Variants in CLEC16A observed in about 807,000 individuals in gnomAD.
The protein encoded by CLEC16A is C-type lectin domain containing 16A.
Under a neutral mutation model 109.5 loss-of-function variants are expected in CLEC16A, and 51 were observed. The ratio of observed to expected loss-of-function variants is 0.47; its 90% CI spans 0.37 to 0.59. CLEC16A has a LOEUF of 0.59. CLEC16A is among the 20% of genes least tolerant of loss of function. The pLI is 0.00. For missense variants in CLEC16A, 1,339 were observed against 1,394.0 expected (o/e 0.96, Z 0.63); for synonymous variants, 673 against 564.2 (o/e 1.19, Z -2.73).
intron 18 of CLEC16A, among the ~76,000 whole-genome samples, chr16:11,054,303 C>T (rs563406142): frequency 6.6e-6 from 1 of 152,368 alleles, no homozygotes; most frequent in Non-Finnish European, 1.5e-5. Context: ...CTTGTCTACT[C>T]TGAGCTGCTG....
chr16:11,017,499 G>A (rs562077749), intron 11 of CLEC16A, among the ~76,000 whole-genome samples: 69 of 152,326 alleles, frequency 4.5e-4, no homozygotes, highest in African/African-American at 1.7e-3. Flanking sequence ...ACGCGAAGAC[G>A]TTTCAGAACC....
intron 22 of CLEC16A, among the ~76,000 whole-genome samples, chr16:11,132,714 T>G (rs1252703449): frequency 1.3e-5 from 2 of 152,166 alleles, no homozygotes; most frequent in Non-Finnish European, 2.9e-5. Context: ...TATCCTGCAC[T>G]AGAATGGAAG....
intron 3 of CLEC16A, among the ~76,000 whole-genome samples, chr16:10,963,428 G>A (rs1171682131): frequency 6.6e-6 from 1 of 152,228 alleles, no homozygotes; most frequent in African/African-American, 2.4e-5. Context: ...GTTCCCCTCT[G>A]CTGATGATGC....
intron 22 of CLEC16A, among the ~76,000 whole-genome samples, chr16:11,157,872 G>C (rs1049899141): frequency 6.6e-6 from 1 of 152,062 alleles, no homozygotes; most frequent in Non-Finnish European, 1.5e-5. Context: ...CCTAGCCCCC[G>C]CCTGCCCTCG....
intron 22 of CLEC16A, among the ~76,000 whole-genome samples, chr16:11,139,263 G>T (rs1245193421): frequency 6.6e-6 from 1 of 152,186 alleles, no homozygotes; most frequent in Non-Finnish European, 1.5e-5. Context: ...CTCCAAGCTT[G>T]GCATGATGGA....
intron 12 of CLEC16A, among the ~76,000 whole-genome samples, chr16:11,022,171 T>A (rs1004968897): frequency 1.3e-5 from 2 of 152,086 alleles, no homozygotes; most frequent in Admixed American, 1.3e-4. Context: ...GCCAGATTTC[T>A]GCTAGACTGT....
At chr16:11,002,732 G>A (rs1398973526) in intron 10 of CLEC16A, among the ~76,000 whole-genome samples, 1 of 152,072 alleles carries the variant, frequency 6.6e-6, no homozygotes, top group African/African-American at 2.4e-5. Flanking sequence ...TCCTGCTTAT[G>A]AGAATATGCA....
intron 22 of CLEC16A, among the ~76,000 whole-genome samples, chr16:11,163,970 G>C (rs983388037): frequency 6.6e-6 from 1 of 152,290 alleles, no homozygotes; most frequent in Non-Finnish European, 1.5e-5. Context: ...ATTAAGAAGT[G>C]AGCAGCTATA....
chr16:11,130,925 A>C (rs1452912265), intron 22 of CLEC16A, among the ~76,000 whole-genome samples: 1 of 152,198 alleles, frequency 6.6e-6, no homozygotes, highest in Non-Finnish European at 1.5e-5. Context: ...ATTTGATGAA[A>C]ATATGCCTTT....
intron 10 of CLEC16A, among the ~76,000 whole-genome samples, chr16:10,987,111 C>T (rs1295479857): frequency 1.3e-5 from 2 of 152,020 alleles, no homozygotes; most frequent in Non-Finnish European, 2.9e-5. Context: ...CCGTCTTAGC[C>T]TCCCAATGTG....
At chr16:10,967,768 T>G (rs1015602225) in intron 3 of CLEC16A, among the ~76,000 whole-genome samples, 2 of 152,196 alleles carry the variant, frequency 1.3e-5, no homozygotes, top group African/African-American at 4.8e-5. Context: ...GTCAGCAGTT[T>G]GCCCAAGGTC....
chr16:11,051,406 A>G, intron 17 of CLEC16A, 107 bp from the exon 18 acceptor site: 1 of 1,150,356 alleles, frequency 8.7e-7, no homozygotes, highest in Non-Finnish European at 1.3e-6. Context: ...ACTCATTTAC[A>G]TTTACTAAAT....
rs7193690 is a variant in CLEC16A, at chr16:11,074,220, A to G, written c.2116+13198A>G. 7.0e-3 allele frequency among the ~76,000 whole-genome samples: 1,061 copies of G among 152,158 alleles called. 19 individuals carry two copies. Among genetic ancestry groups the G allele is most frequent in the African/African-American group, 0.024 (1,008 of 41,504 alleles). ...GGCACCCTGAACTTGACAGATTGGGAAAAAAATCAAGTTTCAGTTAAACCA... is the reference window on the plus strand; with the variant it reads ...GGCACCCTGAACTTGACAGATTGGGGAAAAAATCAAGTTTCAGTTAAACCA... On this transcript the variant is annotated intron_variant, in intron 19 of 23. Coordinates refer to ENST00000409790, the MANE Select transcript of CLEC16A (RefSeq NM_015226.3).
At chr16:10,976,797 C>T in intron 7 of CLEC16A, among the ~76,000 whole-genome samples, 1 of 152,114 alleles carries the variant, frequency 6.6e-6, no homozygotes, top group East Asian at 1.9e-4. Flanking sequence ...TGCTCTATGT[C>T]TGCATGTCGT....
intron 12 of CLEC16A, among the ~76,000 whole-genome samples, chr16:11,023,743 G>A (rs941531687): frequency 1.2e-4 from 19 of 152,008 alleles, no homozygotes; most frequent in Admixed American, 4.6e-4. Flanking sequence ...TTCACTCCCC[G>A]TAGGCATCCA....
rs1282876714 is a variant in CLEC16A at position 10,998,856 on chromosome 16, A to G, written c.1072-4218A>G. Among the ~76,000 whole-genome samples the G allele has an allele frequency of 2.6e-5, 4 of 152,162 alleles. No homozygotes were observed. The East Asian group carries it at 7.7e-4, about 29-fold the overall frequency. On this transcript the variant is annotated intron_variant, in intron 10 of 23. Transcript: ENST00000409790. ...CCTTCTCCTAGGGGCTTCAGACTGG[A>G]GCATCCTTGGAGGCTGGCAGCCAGA... is the stretch of plus-strand genomic sequence containing the variant.
At position 11,060,909 on chromosome 16, in the gene CLEC16A, G is replaced by C; in HGVS notation, c.2003G>C (p.Arg668Pro). Residue 668 changes from arginine (R) to proline (P), a missense_variant, in exon 19 of 24, where the codon CGG (arginine) becomes CCG (proline). Physicochemically the swap from Arg to Pro is moderately radical, Grantham distance 103 (BLOSUM62 -2). Transcript: ENST00000409790. The part of the protein sequence containing the change: ...GDVEKTRRAI[R>P]VFFMLRSLSL... ...TCTGAACTGTTGGTCCAGGCCATCC[G>C]GGTGTTCTTCATGCTGCGTTCCCTG... 6 of 1,609,782 alleles carry C rather than the reference G, an allele frequency of 3.7e-6. No individual in the cohort carries two copies. The highest frequency in any genetic ancestry group is 5.1e-6 in the Non-Finnish European group (6 of 1,177,926).
rs528416809 is a variant in CLEC16A at position 11,116,241 on chromosome 16, A to T, written c.2117-4374A>T. On this transcript the variant is annotated intron_variant, in intron 19 of 23. Coordinates refer to ENST00000409790, the MANE Select transcript of CLEC16A (RefSeq NM_015226.3). ...CCTGTCTCTACTAAAAATAAAAAAA[A>T]AAAAATAGCCAGGCGTGGTGGTGTT... is the stretch of plus-strand genomic sequence containing the variant. Among the ~76,000 whole-genome samples, 4 of 151,956 alleles carry T rather than the reference A, an allele frequency of 2.6e-5. 1 individual carries two copies. The South Asian group carries it at 6.2e-4, about 24-fold the overall frequency.
chr16:11,165,491 C>CA (rs1452902075), intron 22 of CLEC16A, among the ~76,000 whole-genome samples: 1 of 152,010 alleles, frequency 6.6e-6, no homozygotes, highest in Non-Finnish European at 1.5e-5. Context: ...AACCCTATCG[C>CA]AAAAAAACAT....
Sources: gnomAD v4.1 joint callset for allele counts (sites outside exome capture counted in the v4.1 genomes callset) on GRCh38, gnomAD v4.1.1 for gene constraint, MANE v1.5 for transcripts, NCBI Gene and HGNC (gene_info 2026-07-23, HGNC 2026-07-21) for gene names.